Variants in SMARCAL1 observed in about 807,000 individuals in gnomAD.
The protein encoded by SMARCAL1 is ATP-driven annealing helicase.
A neutral mutation model predicts 94.5 loss-of-function variants in SMARCAL1; 58 were observed. That is an observed-to-expected ratio of 0.61 (90% confidence interval 0.50 to 0.76). The LOEUF (loss-of-function observed/expected upper bound fraction) is 0.76. Among genes scored for constraint, SMARCAL1 ranks in the 30% least tolerant of loss-of-function variants. The probability of loss-of-function intolerance (pLI) is 0.00; values close to 1 mark genes in which losing one functional copy is unlikely to be tolerated. For missense variants in SMARCAL1, 1,051 were observed against 1,177.9 expected, an observed-to-expected ratio of 0.89 and a Z score of 1.58; for synonymous variants, 422 against 455.1, an observed-to-expected ratio of 0.93 and a Z score of 0.93.
At chr2:216,469,536 G>A (rs1220966045) in intron 14 of SMARCAL1, among the ~76,000 whole-genome samples, 2 of 151,936 alleles carry the variant, frequency 1.3e-5, no homozygotes, top group South Asian at 2.1e-4. Flanking sequence ...CGCCCGCCTC[G>A]GCCTCCCAAT....
At chr2:216,451,368 T>G (rs901264710) in intron 12 of SMARCAL1, 3 of 402,916 alleles carry the variant, frequency 7.4e-6, no homozygotes, top group African/African-American at 6.1e-5. Flanking sequence ...ATGTGGAAAT[T>G]ATGTCTACTA....
chr2:216,466,877 T>C (rs189586038), intron 13 of SMARCAL1, among the ~76,000 whole-genome samples: 126 of 152,324 alleles, frequency 8.3e-4, no homozygotes, highest in Admixed American at 3.3e-3. Context: ...TCAGTCATAG[T>C]GTTGTTTGAA....
At chr2:216,440,715 T>G (rs755398784) in intron 10 of SMARCAL1, among the ~76,000 whole-genome samples, 1 of 152,190 alleles carries the variant, frequency 6.6e-6, no homozygotes, top group Admixed American at 6.5e-5. Context: ...CTCTGTCTTA[T>G]TGTATTTTCG....
rs1261911558 is a variant in SMARCAL1 at position 216,414,922 on chromosome 2, A to T, written c.218A>T (p.Gln73Leu). Residue 73 changes from glutamine (Q) to leucine (L), a missense_variant, in exon 3 of 18, where the codon CAA becomes CTA. By Grantham distance (113) the Gln-to-Leu change is moderately radical (BLOSUM62 -2). Transcript: ENST00000357276. The stretch of plus-strand genomic sequence containing the variant: ...GTGAGCCATGGTGTCATTTTCAAGC[A>T]ACAGAATCTCAGTAGCTCATCTAAT... ...KPVSHGVIFK[Q>L]QNLSSSSNAD... The T allele has an allele frequency of 2.5e-6, 4 of 1,614,224 alleles. No homozygotes were observed. The East Asian group carries it at 8.9e-5, about 36-fold the overall frequency.
chr2:216,444,732 G>A (rs970676620), intron 10 of SMARCAL1, among the ~76,000 whole-genome samples: 3 of 152,154 alleles, frequency 2.0e-5, no homozygotes, highest in African/African-American at 7.2e-5. Flanking sequence ...GGCCAGGTTG[G>A]TCTCGAACTC....
At chr2:216,476,949 T>C (rs747010347) in intron 15 of SMARCAL1, among the ~76,000 whole-genome samples, 160 bp from the exon 16 acceptor site, 3 of 152,174 alleles carry the variant, frequency 2.0e-5, no homozygotes, top group African/African-American at 4.8e-5. Flanking sequence ...AGGTCTGAGA[T>C]GGTAAAGTGC....
At chr2:216,436,893 G>T (rs1488979024) in intron 9 of SMARCAL1, among the ~76,000 whole-genome samples, 1 of 152,194 alleles carries the variant, frequency 6.6e-6, no homozygotes, top group Non-Finnish European at 1.5e-5. Flanking sequence ...TTGCCCATAG[G>T]CACAAAGCTA....
intron 14 of SMARCAL1, among the ~76,000 whole-genome samples, chr2:216,469,661 G>A (rs1436093983): frequency 6.6e-6 from 1 of 152,122 alleles, no homozygotes; most frequent in Non-Finnish European, 1.5e-5. Context: ...GGTTGCTATC[G>A]TGTGAATATT....
At chr2:216,413,304 T>TA (rs1348935561) in intron 1 of SMARCAL1, among the ~76,000 whole-genome samples, 3 of 152,222 alleles carry the variant, frequency 2.0e-5, no homozygotes, top group Non-Finnish European at 4.4e-5. Context: ...AGATGCAGCC[T>TA]ATTTAGTCTG....
intron 10 of SMARCAL1, among the ~76,000 whole-genome samples, chr2:216,444,821 C>G (rs1330539804): frequency 6.6e-6 from 1 of 152,144 alleles, no homozygotes; most frequent in Non-Finnish European, 1.5e-5. Flanking sequence ...CCGGTCAACT[C>G]TTAATTTTAA....
At chr2:216,431,009 G>C (rs552646305) in intron 7 of SMARCAL1, among the ~76,000 whole-genome samples, 1 of 152,224 alleles carries the variant, frequency 6.6e-6, no homozygotes, top group Non-Finnish European at 1.5e-5. Flanking sequence ...GCTCGGCTCC[G>C]TTCCTCCCCA....
intron 1 of SMARCAL1, among the ~76,000 whole-genome samples, chr2:216,413,361 A>G (rs1693508819): frequency 6.6e-6 from 1 of 152,234 alleles, no homozygotes; most frequent in Non-Finnish European, 1.5e-5. Flanking sequence ...CTTCTAAAAT[A>G]TTGTAAACAT....
Position 216,435,465 on chromosome 2 carries a change from A to G in SMARCAL1, c.1613A>G (p.Gln538Arg), listed in dbSNP as rs199941134. 3 of 1,614,186 alleles carry G rather than the reference A, an allele frequency of 1.9e-6. No individual in the cohort carries two copies. Among genetic ancestry groups the G allele is most frequent in the African/African-American group, 1.3e-5 (1 of 75,038 alleles). ...GACCTTCTTAGCAAGTTGGAAAAAC[A>G]GCTAAAAACCCCTTTTAAAGTTGTC... Reference protein sequence around the residue: ...SFDLLSKLEKQLKTPFKVVII... With the variant: ...SFDLLSKLEKRLKTPFKVVII... Residue 538 changes from glutamine to arginine, a missense_variant, in exon 9 of 18, where the codon CAG becomes CGG. Gln to Arg is a conservative substitution (Grantham distance 43). Coordinates refer to ENST00000357276, the MANE Select transcript of SMARCAL1 (RefSeq NM_014140.4).
At position 216,450,935 on chromosome 2, in the gene SMARCAL1, G is replaced by A. The variant is rs369105193; in HGVS notation, c.1941G>A (p.Lys647=). 8.7e-6 allele frequency: 14 copies of A among 1,614,102 alleles called. No individual in the cohort carries two copies. The highest frequency in any genetic ancestry group is 1.6e-4 in the Middle Eastern group (1 of 6,084). Reference sequence around the variant, plus strand: ...AAGCAGTCATGCTGCGGCGCCTCAAGTCCGACGTCCTTTCCCAGCTGCCTG... The same window carrying A: ...AAGCAGTCATGCTGCGGCGCCTCAAATCCGACGTCCTTTCCCAGCTGCCTG... ...LEEAVMLRRL[K]SDVLSQLPAK... Residue 647 remains lysine (K), a synonymous_variant, in exon 12 of 18, where the codon AAG becomes AAA. Transcript: ENST00000357276.
At chr2:216,435,849 G>C (rs964371731) in intron 9 of SMARCAL1, among the ~76,000 whole-genome samples, 2 of 152,146 alleles carry the variant, frequency 1.3e-5, no homozygotes, top group African/African-American at 2.4e-5. Flanking sequence ...GGACGGCAAG[G>C]GGGTGTGCCT....
intron 9 of SMARCAL1, among the ~76,000 whole-genome samples, chr2:216,437,823 A>G (rs1057278457): frequency 6.6e-6 from 1 of 152,244 alleles, no homozygotes; most frequent in African/African-American, 2.4e-5. Context: ...TTATGCACAG[A>G]TACAGAGTGG....
At chr2:216,421,410 GC>G (rs750349911) in intron 5 of SMARCAL1, among the ~76,000 whole-genome samples, 11 of 152,126 alleles carry the variant, frequency 7.2e-5, no homozygotes, top group Admixed American at 3.3e-4. Context: ...TGATTTTCCT[GC>G]CTCAGCCTCC....
intron 5 of SMARCAL1, among the ~76,000 whole-genome samples, chr2:216,421,093 C>T (rs1693709971): frequency 6.6e-6 from 1 of 152,248 alleles, no homozygotes; most frequent in Middle Eastern, 3.4e-3. Flanking sequence ...GGTGGTTCTG[C>T]TCTCGGCCTG....
At chr2:216,455,086 C>T (rs1390611292) in intron 12 of SMARCAL1, among the ~76,000 whole-genome samples, 4 of 152,232 alleles carry the variant, frequency 2.6e-5, no homozygotes, top group South Asian at 2.1e-4. Context: ...CCCACGCCCA[C>T]GGAGGCTCGC....
Sources: gnomAD v4.1 joint callset for allele counts (sites outside exome capture counted in the v4.1 genomes callset) on GRCh38, gnomAD v4.1.1 for gene constraint, MANE v1.5 for transcripts, NCBI Gene and HGNC (gene_info 2026-07-23, HGNC 2026-07-21) for gene names.